The following PIK3AP1 variants were observed in gnomAD, a reference collection of about 807,000 sequenced individuals.
PIK3AP1 encodes the protein phosphoinositide-3-kinase adaptor protein 1.
A neutral mutation model predicts 88.1 loss-of-function variants in PIK3AP1; 21 were observed. The ratio of observed to expected loss-of-function variants is 0.24; its 90% CI spans 0.17 to 0.34. PIK3AP1 has a LOEUF of 0.34. Ranked by LOEUF, PIK3AP1 falls within the 10% of genes least tolerant of loss-of-function variation. PIK3AP1 has a pLI of 1.00. For synonymous variants in PIK3AP1, 398 were observed against 400.0 expected, an observed-to-expected ratio of 1.00 and a Z score of 0.06; for missense variants, 828 against 1,035.7, an observed-to-expected ratio of 0.80 and a Z score of 2.75.
At chr10:96,674,406 G>A (rs1843888745) in intron 2 of PIK3AP1, among the ~76,000 whole-genome samples, 1 of 152,194 alleles carries the variant, frequency 6.6e-6, no homozygotes, top group Admixed American at 6.5e-5. Context: ...TGCCTGCCTG[G>A]TTTGTTGCAC....
At chr10:96,612,453 TAGTC>T (rs1472116539) in intron 13 of PIK3AP1, among the ~76,000 whole-genome samples, 3 of 152,222 alleles carry the variant, frequency 2.0e-5, no homozygotes, top group African/African-American at 4.8e-5. Flanking sequence ...CTCAAATGAA[TAGTC>T]AGTCATTGTG....
chr10:96,711,148 A>T (rs1392537872), intron 1 of PIK3AP1, among the ~76,000 whole-genome samples: 6 of 152,192 alleles, frequency 3.9e-5, no homozygotes, highest in Non-Finnish European at 8.8e-5. Flanking sequence ...GAAACATTTC[A>T]TCTAGGAAGG....
At chr10:96,635,818 T>C (rs925195321) in intron 8 of PIK3AP1, among the ~76,000 whole-genome samples, 9 of 152,004 alleles carry the variant, frequency 5.9e-5, no homozygotes, top group African/African-American at 2.2e-4. Flanking sequence ...GGCAGGAGAA[T>C]TGCTTGAACC....
chr10:96,629,934 AAG>A, intron 8 of PIK3AP1, among the ~76,000 whole-genome samples: 3 of 97,268 alleles, frequency 3.1e-5, no homozygotes, highest in African/African-American at 1.2e-4. Context: ...AAAAAAAAAG[AAG>A]AAGAAGAAGA....
chr10:96,672,081 T>G (rs1843855170), intron 2 of PIK3AP1, among the ~76,000 whole-genome samples: 1 of 152,006 alleles, frequency 6.6e-6, no homozygotes, highest in African/African-American at 2.4e-5. Flanking sequence ...GGTCACACTG[T>G]CTCCCTGGAA....
intron 8 of PIK3AP1, among the ~76,000 whole-genome samples, chr10:96,633,768 T>A (rs1307764438): frequency 6.6e-6 from 1 of 152,220 alleles, no homozygotes; most frequent in Non-Finnish European, 1.5e-5. Flanking sequence ...CTCAAATACT[T>A]CATTATTATA....
intron 15 of PIK3AP1, chr10:96,603,759 G>A (rs1229026995): frequency 4.1e-6 from 2 of 482,398 alleles, no homozygotes; most frequent in Non-Finnish European, 7.5e-6. Flanking sequence ...TAATACACCT[G>A]TCCCCATTAA....
At chr10:96,640,882 C>T (rs1843376774) in intron 8 of PIK3AP1, among the ~76,000 whole-genome samples, 1 of 152,094 alleles carries the variant, frequency 6.6e-6, no homozygotes, top group Non-Finnish European at 1.5e-5. Context: ...AGGCTGGTCT[C>T]GAACTCCTGG....
chr10:96,688,798 C>CAAAA (rs748306735), intron 2 of PIK3AP1, among the ~76,000 whole-genome samples: 2,559 of 149,884 alleles, frequency 0.017, 79 homozygotes, highest in African/African-American at 0.059. Context: ...GACTCTGTCT[C>CAAAA]AAAAAAAAGA....
intron 15 of PIK3AP1, among the ~76,000 whole-genome samples, chr10:96,603,570 C>T (rs111531846): frequency 0.031 from 4,685 of 152,050 alleles, 235 homozygotes; most frequent in African/African-American, 0.11. Flanking sequence ...CACTGGACTC[C>T]AAGTTCTCCA....
chr10:96,700,216 G>A (rs1844278207), intron 2 of PIK3AP1, among the ~76,000 whole-genome samples: 1 of 152,162 alleles, frequency 6.6e-6, no homozygotes, highest in South Asian at 2.1e-4. Context: ...ACAGGAGAAG[G>A]CCCTCTCTGG....
chr10:96,681,022 A>C (rs1054587780), intron 2 of PIK3AP1, among the ~76,000 whole-genome samples: 1 of 152,210 alleles, frequency 6.6e-6, no homozygotes, highest in Admixed American at 6.5e-5. Flanking sequence ...AACACCATAG[A>C]CTGTGTGGCT....
intron 7 of PIK3AP1, among the ~76,000 whole-genome samples, chr10:96,647,099 G>T (rs983466964): frequency 3.9e-5 from 6 of 152,212 alleles, no homozygotes; most frequent in Non-Finnish European, 5.9e-5. Context: ...ACAGTCTTTT[G>T]GTCACAATGC....
At chr10:96,612,129 T>G (rs1849121699) in intron 13 of PIK3AP1, among the ~76,000 whole-genome samples, 1 of 152,180 alleles carries the variant, frequency 6.6e-6, no homozygotes, top group Non-Finnish European at 1.5e-5. Context: ...AATTGGATCA[T>G]AAAGTGATTC....
intron 3 of PIK3AP1, among the ~76,000 whole-genome samples, chr10:96,655,834 G>T (rs1843607159): frequency 6.6e-6 from 1 of 152,182 alleles, no homozygotes; most frequent in Non-Finnish European, 1.5e-5. Flanking sequence ...TAGCCATGTA[G>T]AACAGTAAGT....
At chr10:96,623,609 T>C (rs1843117118) in intron 10 of PIK3AP1, 72 bp from the exon 11 acceptor site, 805 of 980,160 alleles carry the variant, frequency 8.2e-4, no homozygotes, top group Non-Finnish European at 1.1e-3. Flanking sequence ...TAATAATGAA[T>C]CCATACCTAG....
At chr10:96,664,867 A>AGGGCCAGGGTCCAAGCAC (rs150166303) in intron 2 of PIK3AP1, among the ~76,000 whole-genome samples, 6,547 of 152,130 alleles carry the variant, frequency 0.043, 480 homozygotes, top group African/African-American at 0.15. Context: ...GAGTCCCAAC[A>AGGGCCAGGGTCCAAGCAC]GGGCCAGGGT....
chr10:96,669,405 C>T (rs1843811142), intron 2 of PIK3AP1: 1 of 152,208 alleles, frequency 6.6e-6, no homozygotes, highest in Non-Finnish European at 1.5e-5. Flanking sequence ...TAGCACTGGC[C>T]TGGATCCCAC....
intron 13 of PIK3AP1, among the ~76,000 whole-genome samples, chr10:96,612,995 T>G (rs1447504299): frequency 3.7e-4 from 16 of 42,796 alleles, no homozygotes; most frequent in African/African-American, 1.1e-3. Flanking sequence ...TTTTTTTTTT[T>G]TTTTTTTTTT....
Sources: gnomAD v4.1 joint callset for allele counts (sites outside exome capture counted in the v4.1 genomes callset) on GRCh38, gnomAD v4.1.1 for gene constraint, MANE v1.5 for transcripts, NCBI Gene and HGNC (gene_info 2026-07-23, HGNC 2026-07-21) for gene names.